Variants in ZNF521 observed in about 807,000 individuals in gnomAD.
ZNF521 encodes zinc finger protein 521.
In ZNF521, 14 loss-of-function variants were observed where a neutral mutation model predicts 105.5. That is an observed-to-expected ratio of 0.13 (90% CI 0.09 to 0.21). The LOEUF (loss-of-function observed/expected upper bound fraction) is 0.21. Among genes scored for constraint, ZNF521 ranks in the 10% least tolerant of loss-of-function variants. ZNF521 has a pLI of 1.00. For missense variants in ZNF521, 1,233 were observed against 1,629.7 expected, an observed-to-expected ratio of 0.76 and a Z score of 4.19; for synonymous variants, 635 against 606.0, an observed-to-expected ratio of 1.05 and a Z score of -0.70.
Position 25,172,208 on chromosome 18 carries a change from A to G in ZNF521, c.3658+22952T>C, listed in dbSNP as rs1461522697. 1.2e-4 allele frequency among the ~76,000 whole-genome samples: 19 copies of G among 152,316 alleles called. No homozygotes were observed. The East Asian group carries it at 3.5e-3, about 28-fold the overall frequency. On this transcript the variant is annotated intron_variant, in intron 5 of 7. Transcript: ENST00000361524. ...ATTTAGGCCTGAAATTATATCAGAC[A>G]TTCAATAAATACATTTCTCACGCCT...
chr18:25,238,433 C>T (rs552541087), intron 3 of ZNF521, among the ~76,000 whole-genome samples: 1 of 152,278 alleles, frequency 6.6e-6, no homozygotes, highest in South Asian at 2.1e-4. Flanking sequence ...CCAGAAAAAT[C>T]CTATATATAC....
intron 2 of ZNF521, among the ~76,000 whole-genome samples, chr18:25,349,745 G>C (rs1362386449): frequency 6.6e-6 from 1 of 151,078 alleles, no homozygotes; most frequent in Non-Finnish European, 1.5e-5. Flanking sequence ...CCGGGGACCA[G>C]AGGGCGGGGC....
At chr18:25,070,893 G>C (rs2033203487) in intron 7 of ZNF521, among the ~76,000 whole-genome samples, 1 of 152,134 alleles carries the variant, frequency 6.6e-6, no homozygotes, top group Non-Finnish European at 1.5e-5. Flanking sequence ...TGAAGAATTT[G>C]CAGGGAGGAA....
At chr18:25,179,129 T>G (rs1177990457) in intron 5 of ZNF521, among the ~76,000 whole-genome samples, 7 of 20,394 alleles carry the variant, frequency 3.4e-4, no homozygotes, top group African/African-American at 2.0e-3. Context: ...TTTTTTTTTT[T>G]TTTTTTTTTT....
chr18:25,285,894 G>A (rs1334377957), intron 3 of ZNF521, among the ~76,000 whole-genome samples: 6 of 152,162 alleles, frequency 3.9e-5, no homozygotes. Flanking sequence ...GAGCTCTGAG[G>A]GTATAATGAG....
chr18:25,213,486 G>C (rs2144693569), intron 4 of ZNF521, among the ~76,000 whole-genome samples: 1 of 151,878 alleles, frequency 6.6e-6, no homozygotes, highest in East Asian at 1.9e-4. Flanking sequence ...TTGCATTCTT[G>C]TGATAAACCT....
intron 7 of ZNF521, among the ~76,000 whole-genome samples, chr18:25,070,129 G>A (rs1356184249): frequency 1.3e-5 from 2 of 152,170 alleles, no homozygotes; most frequent in African/African-American, 4.8e-5. Context: ...TATTAAAGAA[G>A]GAAAAGGACT....
intron 3 of ZNF521, among the ~76,000 whole-genome samples, chr18:25,258,092 C>T (rs1230751874): frequency 6.6e-6 from 1 of 152,104 alleles, no homozygotes; most frequent in African/African-American, 2.4e-5. Context: ...AAAGACAATT[C>T]TATACTACAT....
At chr18:25,177,850 T>C (rs2144580779) in intron 5 of ZNF521, among the ~76,000 whole-genome samples, 1 of 152,324 alleles carries the variant, frequency 6.6e-6, no homozygotes, top group Admixed American at 6.5e-5. Context: ...GGCACTTTCT[T>C]TTTACTGGCC....
chr18:25,132,827 A>G (rs4381672), intron 5 of ZNF521, among the ~76,000 whole-genome samples: 98,277 of 152,064 alleles, frequency 0.65, 31,998 homozygotes, highest in South Asian at 0.74. Flanking sequence ...AAAAAGGAAC[A>G]CGCTGCCTGT....
chr18:25,182,904 T>C (rs1408972672), intron 5 of ZNF521, among the ~76,000 whole-genome samples: 1 of 152,208 alleles, frequency 6.6e-6, no homozygotes, highest in East Asian at 1.9e-4. Flanking sequence ...AAGGTTTAAA[T>C]GTGAATTCAA....
chr18:25,219,358 C>T (rs1905543636), intron 4 of ZNF521, among the ~76,000 whole-genome samples: 2 of 152,074 alleles, frequency 1.3e-5, no homozygotes, highest in South Asian at 2.1e-4. Flanking sequence ...CTGAGAAGAT[C>T]GATGGACCTA....
chr18:25,341,958 C>T (rs973962824), intron 2 of ZNF521, among the ~76,000 whole-genome samples: 4 of 152,066 alleles, frequency 2.6e-5, no homozygotes, highest in African/African-American at 9.7e-5. Context: ...AAAACAAAAA[C>T]CCCCAGAACT....
At chr18:25,109,861 C>T (rs747759383) in intron 5 of ZNF521, among the ~76,000 whole-genome samples, 2 of 152,078 alleles carry the variant, frequency 1.3e-5, no homozygotes, top group African/African-American at 2.4e-5. Flanking sequence ...CCTCTGTTGG[C>T]GGCACAATTT....
chr18:25,079,728 G>A (rs1244537200), intron 7 of ZNF521, among the ~76,000 whole-genome samples: 1 of 152,130 alleles, frequency 6.6e-6, no homozygotes, highest in East Asian at 1.9e-4. Flanking sequence ...ACTCCACAGA[G>A]GGATAAGGGC....
chr18:25,089,918 G>A (rs1166953654), intron 6 of ZNF521, among the ~76,000 whole-genome samples: 2 of 152,136 alleles, frequency 1.3e-5, no homozygotes, highest in African/African-American at 4.8e-5. Context: ...GCAACCCACA[G>A]GTTAAGAAAT....
chr18:25,349,663 G>A (rs1198137022), intron 2 of ZNF521, among the ~76,000 whole-genome samples: 1 of 151,828 alleles, frequency 6.6e-6, no homozygotes, highest in African/African-American at 2.4e-5. Context: ...CGGCGAGTCG[G>A]GAAGCTGGTG....
At chr18:25,116,363 G>A (rs1312305390) in intron 5 of ZNF521, among the ~76,000 whole-genome samples, 5 of 152,134 alleles carry the variant, frequency 3.3e-5, no homozygotes, top group Admixed American at 6.6e-5. Context: ...CATTGGGGTT[G>A]AGTGAGACTC....
chr18:25,322,166 T>C lies in ZNF521; in HGVS notation c.62A>G (p.Asp21Gly), dbSNP rs367557010. The C allele has an allele frequency of 6.2e-7, 1 of 1,614,062 alleles. No homozygotes were observed. Among genetic ancestry groups the C allele is most frequent in the Non-Finnish European group, 8.5e-7 (1 of 1,180,030 alleles). Residue 21 changes from aspartate to glycine, a missense_variant, in exon 3 of 8, where the codon GAC becomes GGC. Physicochemically the swap from Asp to Gly is moderately conservative, Grantham distance 94 (BLOSUM62 -1). Coordinates refer to ENST00000361524, the MANE Select transcript of ZNF521 (RefSeq NM_015461.3). ...TAGTGCCTCTCCATCTTCAGTCTTGTCTTCAAGTTTACAGTTGGGGTCTGA... is the reference window on the plus strand; with the variant it reads ...TAGTGCCTCTCCATCTTCAGTCTTGCCTTCAAGTTTACAGTTGGGGTCTGA... ...SLKDPNCKLE[D>G]KTEDGEALDC...
Sources: gnomAD v4.1 joint callset for allele counts (sites outside exome capture counted in the v4.1 genomes callset) on GRCh38, gnomAD v4.1.1 for gene constraint, MANE v1.5 for transcripts, NCBI Gene and HGNC (gene_info 2026-07-23, HGNC 2026-07-21) for gene names.